CXCL13: variants seen among roughly 807,000 people sequenced by gnomAD.
The protein encoded by CXCL13 is C-X-C motif chemokine ligand 13.
In CXCL13, 7 loss-of-function variants were observed where a neutral mutation model predicts 12.2. The observed-to-expected ratio is 0.57, with a 90% CI of 0.33 to 1.07. The LOEUF (loss-of-function observed/expected upper bound fraction) is 1.07, where lower values mean the gene tolerates loss of function less well. CXCL13 is among the 50% of genes least tolerant of loss of function. The pLI, the probability that CXCL13 is intolerant of heterozygous loss-of-function variation, is 0.04. For missense variants in CXCL13, 113 were observed against 127.4 expected, an observed-to-expected ratio of 0.89 and a Z score of 0.55; for synonymous variants, 47 against 42.4, an observed-to-expected ratio of 1.11 and a Z score of -0.42.
intron 1 of CXCL13, among the ~76,000 whole-genome samples, chr4:77,577,911 C>A (rs577167970): frequency 5.6e-4 from 86 of 152,224 alleles, no homozygotes; most frequent in Middle Eastern, 3.4e-3. Context: ...AAAAAACCTC[C>A]TTTTTTCCTT....
chr4:77,557,356 G>C (rs1378103114), intron 1 of CXCL13, among the ~76,000 whole-genome samples: 1 of 152,114 alleles, frequency 6.6e-6, no homozygotes, highest in Admixed American at 6.5e-5. Context: ...GCTGCTGCAG[G>C]GGGCCTGGAA....
intron 1 of CXCL13, among the ~76,000 whole-genome samples, chr4:77,535,062 A>G (rs1318046922): frequency 6.6e-6 from 1 of 152,230 alleles, no homozygotes; most frequent in Non-Finnish European, 1.5e-5. Context: ...CATGGCTAAA[A>G]TGATCCCCAA....
chr4:77,540,466 C>T (rs752826051), intron 1 of CXCL13, among the ~76,000 whole-genome samples: 13 of 152,080 alleles, frequency 8.5e-5, no homozygotes, highest in African/African-American at 1.9e-4. Flanking sequence ...TCCATCTTTA[C>T]GTCCATGAGT....
At chr4:77,537,477 G>A (rs1725087520) in intron 1 of CXCL13, among the ~76,000 whole-genome samples, 1 of 152,200 alleles carries the variant, frequency 6.6e-6, no homozygotes, top group African/African-American at 2.4e-5. Context: ...ACTCCATACA[G>A]GGTACAGAGC....
At chr4:77,598,276 T>C (rs1560536958) in intron 1 of CXCL13, among the ~76,000 whole-genome samples, 1 of 152,166 alleles carries the variant, frequency 6.6e-6, no homozygotes, top group Non-Finnish European at 1.5e-5. Flanking sequence ...TGCACTGTAT[T>C]AGGGAGACTC....
chr4:77,596,741 C>T (rs57638525), intron 1 of CXCL13, among the ~76,000 whole-genome samples: 2,720 of 147,348 alleles, frequency 0.018, 84 homozygotes, highest in African/African-American at 0.063. Flanking sequence ...GCTGAGACCG[C>T]GCCATTGCAC....
intron 1 of CXCL13, among the ~76,000 whole-genome samples, chr4:77,517,381 T>A (rs1308326590): frequency 1.3e-5 from 2 of 152,176 alleles, no homozygotes; most frequent in Non-Finnish European, 2.9e-5. Context: ...TCTGTCTCAT[T>A]GATCTGTCTA....
chr4:77,580,472 A>ACC (rs1726302078), intron 1 of CXCL13, among the ~76,000 whole-genome samples: 1 of 150,336 alleles, frequency 6.7e-6, no homozygotes, highest in South Asian at 2.1e-4. Context: ...GACTACAGGC[A>ACC]CCCACCACCA....
chr4:77,526,966 TGGTA>T (rs1372226248), intron 1 of CXCL13, among the ~76,000 whole-genome samples: 2 of 152,158 alleles, frequency 1.3e-5, no homozygotes, highest in Non-Finnish European at 2.9e-5. Context: ...GGCTGGAACA[TGGTA>T]GGCAATTTGG....
chr4:77,565,580 C>A (rs979755053), intron 1 of CXCL13, among the ~76,000 whole-genome samples: 3 of 152,166 alleles, frequency 2.0e-5, no homozygotes, highest in Non-Finnish European at 2.9e-5. Context: ...GTGGTTCTGA[C>A]CTTCCTTTCA....
intron 1 of CXCL13, among the ~76,000 whole-genome samples, chr4:77,569,580 A>G (rs980924540): frequency 6.6e-6 from 1 of 152,190 alleles, no homozygotes; most frequent in East Asian, 1.9e-4. Context: ...AAGGTGAAAG[A>G]TTTCTACAAG....
At chr4:77,594,818 T>C (rs1726708828) in intron 1 of CXCL13, among the ~76,000 whole-genome samples, 1 of 152,188 alleles carries the variant, frequency 6.6e-6, no homozygotes, top group African/African-American at 2.4e-5. Context: ...GCTTAATACC[T>C]AGGTGATGGG....
chr4:77,523,201 C>G (rs758076790), intron 1 of CXCL13, among the ~76,000 whole-genome samples: 4 of 152,104 alleles, frequency 2.6e-5, no homozygotes, highest in Admixed American at 2.0e-4. Flanking sequence ...GGTTGCTTTT[C>G]TCAAGGAATA....
At chr4:77,600,215 A>G (rs549423460) in intron 1 of CXCL13, among the ~76,000 whole-genome samples, 66 of 152,086 alleles carry the variant, frequency 4.3e-4, no homozygotes, top group Admixed American at 1.7e-3. Flanking sequence ...CTTACATGTA[A>G]ACTTGAAGGA....
At chr4:77,609,143 G>A (rs1251475527) in intron 2 of CXCL13, among the ~76,000 whole-genome samples, 1 of 152,126 alleles carries the variant, frequency 6.6e-6, no homozygotes, top group East Asian at 1.9e-4. Context: ...AAACCCAATT[G>A]GAAGTGTCTA....
intron 1 of CXCL13, among the ~76,000 whole-genome samples, chr4:77,540,403 C>A (rs551526952): frequency 6.6e-6 from 1 of 152,156 alleles, no homozygotes; most frequent in African/African-American, 2.4e-5. Context: ...TTTTCAACTG[C>A]TGCCTCCCTG....
chr4:77,598,640 A>G (rs1726820444), intron 1 of CXCL13, among the ~76,000 whole-genome samples: 1 of 152,238 alleles, frequency 6.6e-6, no homozygotes, highest in African/African-American at 2.4e-5. Flanking sequence ...CTACACCACC[A>G]GAAAGGGAGA....
At chr4:77,593,173 G>A (rs1004097446) in intron 1 of CXCL13, among the ~76,000 whole-genome samples, 2 of 152,144 alleles carry the variant, frequency 1.3e-5, no homozygotes, top group Non-Finnish European at 2.9e-5. Flanking sequence ...ACCTTACAGA[G>A]GCGAGCAGAA....
At chr4:77,543,741 T>A (rs183310412) in intron 1 of CXCL13, among the ~76,000 whole-genome samples, 1 of 152,262 alleles carries the variant, frequency 6.6e-6, no homozygotes, top group Non-Finnish European at 1.5e-5. Flanking sequence ...ATTTCCATTT[T>A]TTATTTTATT....
Sources: gnomAD v4.1 joint callset for allele counts (sites outside exome capture counted in the v4.1 genomes callset) on GRCh38, gnomAD v4.1.1 for gene constraint, MANE v1.5 for transcripts, NCBI Gene and HGNC (gene_info 2026-07-23, HGNC 2026-07-21) for gene names.